PDE4D: variants seen among roughly 807,000 people sequenced by gnomAD.
The protein encoded by PDE4D is phosphodiesterase 4D, also known as 3',5'-cyclic-AMP phosphodiesterase 4D.
A neutral mutation model predicts 87.4 loss-of-function variants in PDE4D; 24 were observed. The ratio of observed to expected loss-of-function variants is 0.27; its 90% confidence interval spans 0.20 to 0.39. The LOEUF (loss-of-function observed/expected upper bound fraction) is 0.39, where lower values mean the gene tolerates loss of function less well. Among genes scored for constraint, PDE4D ranks in the 10% least tolerant of loss-of-function variants. The probability of loss-of-function intolerance (pLI) is 1.00; values close to 1 mark genes in which losing one functional copy is unlikely to be tolerated. For missense variants in PDE4D, 714 were observed against 1,041.0 expected (o/e 0.69, Z 4.32); for synonymous variants, 384 against 383.2 (o/e 1.00, Z -0.02).
intron 2 of PDE4D, among the ~76,000 whole-genome samples, chr5:60,129,074 T>C (rs1451722038): frequency 1.3e-5 from 2 of 152,208 alleles, no homozygotes; most frequent in African/African-American, 4.8e-5. Flanking sequence ...GTGATTTAAA[T>C]AGTAATTAAG....
chr5:59,017,541 C>T (rs2153371500), intron 6 of PDE4D, among the ~76,000 whole-genome samples: 1 of 152,174 alleles, frequency 6.6e-6, no homozygotes, highest in African/African-American at 2.4e-5. Context: ...ACCTCCTGTC[C>T]CCGAAGTTCT....
intron 1 of PDE4D, among the ~76,000 whole-genome samples, chr5:60,252,533 T>A (rs1748595519): frequency 6.6e-6 from 1 of 151,414 alleles, no homozygotes; most frequent in South Asian, 2.1e-4. Flanking sequence ...TAAACTAGGG[T>A]CAGTAGGTTT....
chr5:60,413,334 T>A (rs181833737), intron 1 of PDE4D, among the ~76,000 whole-genome samples: 167 of 152,304 alleles, frequency 1.1e-3, no homozygotes, highest in African/African-American at 3.7e-3. Flanking sequence ...TAAATCCACT[T>A]TTTTTCCAAT....
chr5:59,351,779 T>C (rs1780570295), intron 1 of PDE4D, among the ~76,000 whole-genome samples: 1 of 152,200 alleles, frequency 6.6e-6, no homozygotes, highest in Non-Finnish European at 1.5e-5. Flanking sequence ...TTAGATATTA[T>C]TTAACAAGTT....
At chr5:59,992,666 A>C (rs1763135198) in intron 2 of PDE4D, among the ~76,000 whole-genome samples, 1 of 152,180 alleles carries the variant, frequency 6.6e-6, no homozygotes, top group Non-Finnish European at 1.5e-5. Flanking sequence ...CTGTTGAATG[A>C]CTTAATGTTT....
chr5:60,071,451 C>T (rs1224867357), intron 2 of PDE4D, among the ~76,000 whole-genome samples: 2 of 152,040 alleles, frequency 1.3e-5, no homozygotes, highest in Non-Finnish European at 2.9e-5. Context: ...GTCTTTTTCA[C>T]TAATATTATT....
chr5:59,194,217 T>C (rs967090190), intron 2 of PDE4D, among the ~76,000 whole-genome samples: 8 of 152,282 alleles, frequency 5.3e-5, no homozygotes, highest in African/African-American at 1.7e-4. Context: ...TGTGCAACAT[T>C]CCAGTTAGAG....
At chr5:59,680,398 A>C (rs1419243578) in intron 1 of PDE4D, among the ~76,000 whole-genome samples, 2 of 152,142 alleles carry the variant, frequency 1.3e-5, no homozygotes, top group African/African-American at 4.8e-5. Context: ...ACTGAGTCTT[A>C]AATGGTGCTA....
At position 58,973,535 on chromosome 5, in the gene PDE4D, G is replaced by A. The variant is rs574827993; in HGVS notation, c.*1129C>T. ...TGAACATCTAGTGACACAGCAAAAC[G>A]TTATTAGGAGATACTAAGTAGGAAA... On this transcript the variant is annotated 3_prime_UTR_variant, in exon 15 of 15. Coordinates refer to ENST00000340635, the MANE Select transcript of PDE4D (RefSeq NM_001104631.2). 6 of 152,696 alleles carry A rather than the reference G, an allele frequency of 3.9e-5. No homozygotes were observed. Among genetic ancestry groups the A allele is most frequent in the African/African-American group, 1.2e-4 (5 of 41,558 alleles). 9.5% of individuals were successfully genotyped at this position (152,696 alleles called of 1,614,324 possible). A position where few individuals can be genotyped will look rare whatever the true frequency, so the allele number is the denominator to read the frequency against.
chr5:59,149,670 A>G (rs1049431277), intron 5 of PDE4D, among the ~76,000 whole-genome samples: 1 of 142,892 alleles, frequency 7.0e-6, no homozygotes, highest in East Asian at 2.1e-4. Flanking sequence ...TAGTTAAAAC[A>G]TTAGAGTAAC....
intron 2 of PDE4D, among the ~76,000 whole-genome samples, chr5:60,158,802 C>CA (rs1782218756): frequency 6.6e-6 from 1 of 152,134 alleles, no homozygotes; most frequent in Admixed American, 6.5e-5. Flanking sequence ...ATCTCCTGAC[C>CA]TCGTGATCCG....
At chr5:59,117,612 C>T (rs1207322226) in intron 5 of PDE4D, among the ~76,000 whole-genome samples, 1 of 152,134 alleles carries the variant, frequency 6.6e-6, no homozygotes, top group African/African-American at 2.4e-5. Flanking sequence ...ACTTATATGA[C>T]TTTTTGGTTC....
At chr5:59,009,095 A>G (rs1170849555) in intron 6 of PDE4D, among the ~76,000 whole-genome samples, 1 of 152,166 alleles carries the variant, frequency 6.6e-6, no homozygotes, top group Non-Finnish European at 1.5e-5. Context: ...CTGGATGCAG[A>G]GCAAATTAAA....
intron 1 of PDE4D, among the ~76,000 whole-genome samples, chr5:59,734,652 T>C (rs1208512028): frequency 6.6e-6 from 1 of 152,126 alleles, no homozygotes; most frequent in Admixed American, 6.6e-5. Context: ...GATAACTCCA[T>C]GTATTAAATC....
chr5:59,944,622 T>C (rs1451793503), intron 3 of PDE4D, among the ~76,000 whole-genome samples: 1 of 151,970 alleles, frequency 6.6e-6, no homozygotes, highest in Admixed American at 6.5e-5. Context: ...CTGCCCACCT[T>C]GGCCTCCCAA....
At chr5:59,152,497 C>T (rs1302037593) in intron 5 of PDE4D, among the ~76,000 whole-genome samples, 1 of 151,836 alleles carries the variant, frequency 6.6e-6, no homozygotes, top group East Asian at 1.9e-4. Flanking sequence ...TGTATTAAAC[C>T]AGCCTGTAAT....
intron 3 of PDE4D, among the ~76,000 whole-genome samples, chr5:59,917,977 TAATC>T (rs2152776251): frequency 6.6e-6 from 1 of 152,152 alleles, no homozygotes; most frequent in African/African-American, 2.4e-5. Context: ...TCCAAACACA[TAATC>T]AGTTTAAATT....
chr5:60,163,643 C>A (rs760321595), intron 2 of PDE4D, among the ~76,000 whole-genome samples: 5 of 152,148 alleles, frequency 3.3e-5, no homozygotes, highest in Non-Finnish European at 7.4e-5. Flanking sequence ...TAGCACTGCT[C>A]TGGAAACTAG....
At chr5:59,862,508 C>A (rs912126354) in intron 1 of PDE4D, among the ~76,000 whole-genome samples, 2 of 152,144 alleles carry the variant, frequency 1.3e-5, no homozygotes, top group Non-Finnish European at 2.9e-5. Flanking sequence ...ACCTCTGGAA[C>A]CAGACTGGCT....
Sources: allele counts gnomAD v4.1 joint callset (sites outside exome capture counted in the v4.1 genomes callset), GRCh38; gene constraint gnomAD v4.1.1; transcripts MANE v1.5; gene names NCBI Gene and HGNC (gene_info 2026-07-23, HGNC 2026-07-21).